Variants in TASP1 observed in about 807,000 individuals in gnomAD.
TASP1 encodes the protein threonine aspartase 1.
Under a neutral mutation model 56.6 loss-of-function variants are expected in TASP1, and 16 were observed. That is an observed-to-expected ratio of 0.28 (90% CI 0.19 to 0.43). The LOEUF (loss-of-function observed/expected upper bound fraction) is 0.43, where lower values mean the gene tolerates loss of function less well. Ranked by LOEUF, TASP1 falls within the 20% of genes least tolerant of loss-of-function variation. TASP1 has a pLI of 1.00. For synonymous variants in TASP1, 179 were observed against 184.2 expected (o/e 0.97, Z 0.23); for missense variants, 393 against 511.6 (o/e 0.77, Z 2.24).
chr20:13,393,308 C>T, intron 13 of TASP1: 2 of 757,628 alleles, frequency 2.6e-6, no homozygotes, highest in Non-Finnish European at 4.8e-6. Context: ...CATCTACTGG[C>T]ACTGCCAAGG....
the TASP1 span, among the ~76,000 whole-genome samples, chr20:13,128,014 G>A: frequency 6.6e-6 from 1 of 152,296 alleles, no homozygotes; most frequent in African/African-American, 2.4e-5. Flanking sequence ...ATTCAACCCT[G>A]AGCAAGTTAC....
the TASP1 span, among the ~76,000 whole-genome samples, chr20:13,171,481 A>G: frequency 6.6e-6 from 1 of 152,320 alleles, no homozygotes; most frequent in South Asian, 2.1e-4. Context: ...TCTAAGTGGG[A>G]CCAATCAAAG....
intron 10 of TASP1, among the ~76,000 whole-genome samples, chr20:13,490,530 T>A (rs932054008): frequency 3.9e-5 from 6 of 152,324 alleles, no homozygotes; most frequent in Admixed American, 6.5e-5. Context: ...ATACATTAGC[T>A]TACATTACAA....
chr20:13,305,713 T>G, the TASP1 span, among the ~76,000 whole-genome samples: 1 of 152,222 alleles, frequency 6.6e-6, no homozygotes, highest in Admixed American at 6.5e-5. Flanking sequence ...GTTTACCATA[T>G]GAGAGTAGAA....
chr20:13,585,140 C>T (rs1568614012), intron 5 of TASP1, among the ~76,000 whole-genome samples: 1 of 152,064 alleles, frequency 6.6e-6, no homozygotes, highest in Non-Finnish European at 1.5e-5. Flanking sequence ...GGCAATGGAC[C>T]ATTTGGATAT....
chr20:13,391,998 G>A (rs533765509), intron 13 of TASP1, among the ~76,000 whole-genome samples: 18 of 150,838 alleles, frequency 1.2e-4, no homozygotes, highest in Admixed American at 1.1e-3. Context: ...AGAAAGAAGT[G>A]AGCTTAAATT....
chr20:13,261,928 C>T, the TASP1 span, among the ~76,000 whole-genome samples: 1 of 152,198 alleles, frequency 6.6e-6, no homozygotes, highest in Admixed American at 6.5e-5. Flanking sequence ...GGCCTTATAT[C>T]CCCTCATTCT....
intron 12 of TASP1, among the ~76,000 whole-genome samples, chr20:13,421,911 A>C (rs2042446877): frequency 6.6e-6 from 1 of 151,908 alleles, no homozygotes; most frequent in African/African-American, 2.4e-5. Context: ...TTTTAATAGC[A>C]TATCAACAAA....
Position 13,630,084 on chromosome 20 carries a change from A to C in TASP1, c.-6T>G. 1 of 1,611,614 alleles carries C rather than the reference A, an allele frequency of 6.2e-7. No individual in the cohort carries two copies. The highest frequency in any genetic ancestry group is 1.1e-5 in the South Asian group (1 of 90,290). ...ATCCCCTTCTCCATGGTCATTCTCC[A>C]AGATTACCATCTTCTACTGAGAAAG... is the stretch of plus-strand genomic sequence containing the variant. On this transcript the variant is annotated 5_prime_UTR_variant, in exon 2 of 14. Coordinates refer to ENST00000337743, the MANE Select transcript of TASP1 (RefSeq NM_017714.3).
At chr20:13,372,746 T>C in the TASP1 span, among the ~76,000 whole-genome samples, 1 of 152,084 alleles carries the variant, frequency 6.6e-6, no homozygotes. Context: ...TCAGTATCTC[T>C]AGTGTAACAT....
At chr20:13,623,647 T>G (rs1279858257) in intron 3 of TASP1, 133 bp from the exon 4 acceptor site, 17 of 601,206 alleles carry the variant, frequency 2.8e-5, no homozygotes, top group Non-Finnish European at 5.0e-5. Context: ...CTTTAAGACA[T>G]AAACTACTCA....
the TASP1 span, among the ~76,000 whole-genome samples, chr20:13,370,789 T>C: frequency 6.6e-6 from 1 of 152,168 alleles, no homozygotes; most frequent in East Asian, 1.9e-4. Context: ...AGTGTAACCA[T>C]CTAGTACTAG....
chr20:13,421,953 C>CTTTTTTTTTTTTTTTT (rs1179688722), intron 12 of TASP1, among the ~76,000 whole-genome samples: 6 of 139,040 alleles, frequency 4.3e-5, no homozygotes, highest in Non-Finnish European at 9.3e-5. Flanking sequence ...TCTGTTTAAC[C>CTTTTTTTTTTTTTTTT]TTTTTTTTTT....
At position 13,452,434 on chromosome 20, in the gene TASP1, GA is replaced by G. The variant is rs2043658659; in HGVS notation, c.986-17281del. 2.0e-5 allele frequency among the ~76,000 whole-genome samples: 3 copies of G among 147,012 alleles called. No individual in the cohort carries two copies. The South Asian group carries it at 6.5e-4, about 32-fold the overall frequency. ...ACATTAAAAAAAAAAAAAAATTCCT[GA>G]AAAACCTACAACTCTGTTGGCCAGA... On this transcript the variant is annotated intron_variant, in intron 11 of 13. Coordinates refer to ENST00000337743, the MANE Select transcript of TASP1 (RefSeq NM_017714.3).
At chr20:13,600,090 G>A (rs907793395) in intron 4 of TASP1, among the ~76,000 whole-genome samples, 3 of 151,978 alleles carry the variant, frequency 2.0e-5, no homozygotes, top group Non-Finnish European at 4.4e-5. Flanking sequence ...TACAAGATCT[G>A]TACACTGGAA....
the TASP1 span, among the ~76,000 whole-genome samples, chr20:13,276,438 T>C: frequency 6.6e-6 from 1 of 152,232 alleles, no homozygotes; most frequent in African/African-American, 2.4e-5. Flanking sequence ...TTGGAACTTT[T>C]CCTCGTTTCC....
chr20:13,369,200 C>A, the TASP1 span, among the ~76,000 whole-genome samples: 3 of 152,206 alleles, frequency 2.0e-5, no homozygotes, highest in African/African-American at 7.2e-5. Flanking sequence ...AATCCCAGCA[C>A]TTTGGGAGGC....
intron 8 of TASP1, among the ~76,000 whole-genome samples, chr20:13,536,137 T>A (rs1290908532): frequency 6.6e-6 from 1 of 152,220 alleles, no homozygotes; most frequent in Non-Finnish European, 1.5e-5. Flanking sequence ...AATTTTAATG[T>A]GCACACACAT....
intron 10 of TASP1, among the ~76,000 whole-genome samples, chr20:13,519,159 G>A (rs371019810): frequency 2.6e-5 from 4 of 152,156 alleles, no homozygotes; most frequent in African/African-American, 9.6e-5. Context: ...AGGAACAATA[G>A]ACAATGAGGA....
Sources: allele counts gnomAD v4.1 joint callset (sites outside exome capture counted in the v4.1 genomes callset), GRCh38; gene constraint gnomAD v4.1.1; transcripts MANE v1.5; gene names NCBI Gene and HGNC (gene_info 2026-07-23, HGNC 2026-07-21).